Variants in SOAT1 observed in about 807,000 individuals in gnomAD.
SOAT1 encodes acyl-coenzyme A:cholesterol acyltransferase 1.
SOAT1 carries 55 observed loss-of-function variants against 69.5 expected under a neutral mutation model. The observed-to-expected ratio is 0.79, with a 90% CI of 0.64 to 0.99. The LOEUF (loss-of-function observed/expected upper bound fraction) is 0.99, where lower values mean the gene tolerates loss of function less well. SOAT1 is among the 50% of genes least tolerant of loss of function. SOAT1 has a pLI of 0.00. For synonymous variants in SOAT1, 231 were observed against 224.7 expected (o/e 1.03, Z -0.25); for missense variants, 580 against 669.3 (o/e 0.87, Z 1.47).
At chr1:179,337,747 G>A (rs1666206549) in intron 4 of SOAT1, 90 bp from the exon 5 acceptor site, 6 of 867,706 alleles carry the variant, frequency 6.9e-6, no homozygotes, top group Admixed American at 5.3e-5. Flanking sequence ...ATGTTAGATG[G>A]TGTTATTGGT....
intron 13 of SOAT1, among the ~76,000 whole-genome samples, chr1:179,349,431 G>A (rs1011022666): frequency 6.7e-6 from 1 of 148,534 alleles, no homozygotes; most frequent in Non-Finnish European, 1.5e-5. Flanking sequence ...GGGTTCAAGC[G>A]ATTCTCCTGC....
Position 179,347,654 on chromosome 1 carries a change from C to T in SOAT1, c.1172C>T (p.Ala391Val), listed in dbSNP as rs770086806. The T allele has an allele frequency of 1.2e-6, 2 of 1,613,318 alleles. No homozygotes were observed. Among genetic ancestry groups the T allele is most frequent in the Non-Finnish European group, 1.7e-6 (2 of 1,179,474 alleles). The change falls in exon 12 of 16, where the codon GCC (alanine) becomes GTC (valine). Residue 391 changes from alanine to valine, a missense_variant. Transcript: ENST00000367619. The stretch of plus-strand genomic sequence containing the variant: ...GCCTTTTTGCACTGCTGGCTCAATG[C>T]CTTTGCTGAGATGTTACGCTTTGGT... ...FFAFLHCWLNAFAEMLRFGDR... is the reference protein window; with the variant it reads ...FFAFLHCWLNVFAEMLRFGDR...
Position 179,353,703 on chromosome 1 carries a change from G to T in SOAT1, c.*62G>T. On this transcript the variant is annotated 3_prime_UTR_variant, in exon 16 of 16. Transcript: ENST00000367619. ...TGGGTAGCTCCCTGATTTGGAGCCA[G>T]CTGTTTCCAGTTGTTACTGAAGTTA... 7.4e-7 allele frequency: 1 copy of T among 1,357,152 alleles called. No individual in the cohort carries two copies. Among genetic ancestry groups the T allele is most frequent in the Non-Finnish European group, 1.1e-6 (1 of 948,984 alleles). 84.1% of individuals were successfully genotyped at this position (1,357,152 alleles called of 1,614,324 possible).
chr1:179,332,596 G>T (rs763944987), intron 3 of SOAT1, among the ~76,000 whole-genome samples: 2 of 151,804 alleles, frequency 1.3e-5, no homozygotes, highest in Non-Finnish European at 2.9e-5. Context: ...ATCTGTCATG[G>T]TGCTAGGGCT....
In SOAT1 at chr1:179,335,659, T is replaced by G; in HGVS notation, c.329+2T>G. 1 of 1,608,716 alleles carries G rather than the reference T, an allele frequency of 6.2e-7. No individual in the cohort carries two copies. Among genetic ancestry groups the G allele is most frequent in the Non-Finnish European group, 8.5e-7 (1 of 1,177,404 alleles). ...AGAGAAAAACAACCATAGAGCGAAG[T>G]AAGTATGTGCTATTTTCTTTTAATG... On this transcript the variant is annotated splice_donor_variant, in intron 4 of 15. Coordinates refer to ENST00000367619, the MANE Select transcript of SOAT1 (RefSeq NM_003101.6). LOFTEE classifies it high-confidence loss of function.
chr1:179,328,431 A>G (rs1665859276), intron 3 of SOAT1, among the ~76,000 whole-genome samples: 1 of 152,246 alleles, frequency 6.6e-6, no homozygotes. Context: ...TACTTTAGAT[A>G]TTTCAATATA....
At position 179,355,751 on chromosome 1, in the gene SOAT1, T is replaced by A; in HGVS notation, c.*2110T>A. 6.6e-6 allele frequency: 1 copy of A among 152,288 alleles called. No homozygotes were observed. The highest frequency in any genetic ancestry group is 1.9e-4 in the East Asian group (1 of 5,190). The allele number at this position is 152,288 out of a possible 1,614,324, so 9.4% of individuals were successfully genotyped here. On this transcript the variant is annotated 3_prime_UTR_variant, in exon 16 of 16. Transcript: ENST00000367619. The stretch of plus-strand genomic sequence containing the variant: ...GGTTTCACCCTGTTGGTCAGGCTGG[T>A]CTCAAACTCCTGACCTTGTGATCTG...
intron 2 of SOAT1, among the ~76,000 whole-genome samples, chr1:179,321,620 C>T (rs932166349): frequency 3.9e-5 from 6 of 152,184 alleles, no homozygotes; most frequent in Non-Finnish European, 7.3e-5. Context: ...CTCCCATCTC[C>T]AATTGGCTGT....
At chr1:179,344,328 A>T (rs1666444292) in intron 10 of SOAT1, among the ~76,000 whole-genome samples, 1 of 135,244 alleles carries the variant, frequency 7.4e-6, no homozygotes, top group East Asian at 2.1e-4. Flanking sequence ...ATGCCCATTT[A>T]TGAAGTAAGT....
rs1666961423 is a variant in SOAT1, at chr1:179,357,939, A to G, written c.*4298A>G. ...GCAACAGAGCGAGACCCTGTCTCAA[A>G]AAAAAAATTACATATAAGCCCGGTT... On this transcript the variant is annotated 3_prime_UTR_variant, in exon 16 of 16. Transcript: ENST00000367619. The G allele has an allele frequency of 6.6e-6, 1 of 152,138 alleles. No homozygotes were observed. Among genetic ancestry groups the G allele is most frequent in the African/African-American group, 2.4e-5 (1 of 41,436 alleles). 9.4% of individuals were successfully genotyped at this position (152,138 alleles called of 1,614,324 possible). A position where few individuals can be genotyped will look rare whatever the true frequency, so the allele number is the denominator to read the frequency against.
intron 3 of SOAT1, among the ~76,000 whole-genome samples, chr1:179,332,015 G>A (rs1337944638): frequency 4.6e-5 from 7 of 151,918 alleles, no homozygotes; most frequent in Non-Finnish European, 1.0e-4. Flanking sequence ...TTTTTTTTGA[G>A]ACACTGAAAA....
chr1:179,295,587 C>T (rs1664603804), intron 1 of SOAT1, among the ~76,000 whole-genome samples: 1 of 152,210 alleles, frequency 6.6e-6, no homozygotes, highest in South Asian at 2.1e-4. Context: ...GTGATCCCCA[C>T]TTAACTGCTT....
chr1:179,319,728 C>T (rs1182956264), intron 2 of SOAT1, among the ~76,000 whole-genome samples: 1 of 152,066 alleles, frequency 6.6e-6, no homozygotes, highest in Non-Finnish European at 1.5e-5. Context: ...GCGATTCTCT[C>T]ACCTTAGCCT....
intron 1 of SOAT1, among the ~76,000 whole-genome samples, chr1:179,302,310 C>G (rs1304633907): frequency 6.6e-6 from 1 of 152,316 alleles, no homozygotes; most frequent in Non-Finnish European, 1.5e-5. Flanking sequence ...TGGTTTGCTT[C>G]TGTGTCCCCA....
At chr1:179,351,573 T>A (rs557551616) in intron 15 of SOAT1, 111 bp downstream of exon 15, 25 of 965,860 alleles carry the variant, frequency 2.6e-5, no homozygotes, top group South Asian at 2.0e-4. Context: ...GAATTAGTGT[T>A]AAAGAGAGGG....
intron 2 of SOAT1, among the ~76,000 whole-genome samples, chr1:179,305,550 T>C (rs1288033044): frequency 1.3e-5 from 2 of 152,198 alleles, no homozygotes; most frequent in African/African-American, 4.8e-5. Flanking sequence ...TGAACATTTG[T>C]GTAGAAGCTT....
At chr1:179,312,620 T>G (rs998389403) in intron 2 of SOAT1, among the ~76,000 whole-genome samples, 1 of 152,204 alleles carries the variant, frequency 6.6e-6, no homozygotes, top group African/African-American at 2.4e-5. Context: ...TAGTCTCCAG[T>G]GCCCTGTGTG....
rs1162260815 is a variant in SOAT1 at position 179,299,745 on chromosome 1, C to CTTTTTTTTTTTTTT, written c.-8-2919_-8-2906dup. Among the ~76,000 whole-genome samples the CTTTTTTTTTTTTTT allele has an allele frequency of 3.7e-4, 26 of 69,522 alleles. 3 individuals are homozygous for CTTTTTTTTTTTTTT. The highest frequency in any genetic ancestry group is 5.8e-4 in the Non-Finnish European group (23 of 39,852). The allele number at this position is 69,522 out of a possible 152,430, so 45.6% of individuals were successfully genotyped here. A position where few individuals can be genotyped will look rare whatever the true frequency, so the allele number is the denominator to read the frequency against. On this transcript the variant is annotated intron_variant, in intron 1 of 15. Coordinates refer to ENST00000367619, the MANE Select transcript of SOAT1 (RefSeq NM_003101.6). ...ATTTATTTTTTAATCATTTTGCTATCTTTTTTTTTTTTTTTTTTTTTTTTT... is the reference window on the plus strand; with the variant it reads ...ATTTATTTTTTAATCATTTTGCTATCTTTTTTTTTTTTTTTTTTTTTTTTTTTTTTTTTTTTTTT...
At chr1:179,325,707 C>G (rs1571429322) in intron 3 of SOAT1, among the ~76,000 whole-genome samples, 1 of 152,066 alleles carries the variant, frequency 6.6e-6, no homozygotes, top group East Asian at 1.9e-4. Flanking sequence ...GAGAACCTTT[C>G]CCATACAGAA....
Sources: allele counts gnomAD v4.1 joint callset (sites outside exome capture counted in the v4.1 genomes callset), GRCh38; gene constraint gnomAD v4.1.1; transcripts MANE v1.5; gene names NCBI Gene and HGNC (gene_info 2026-07-23, HGNC 2026-07-21).